FRMD4A: variants seen among roughly 807,000 people sequenced by gnomAD.
FRMD4A encodes FERM domain-containing protein 4A.
FRMD4A carries 29 observed loss-of-function variants against 129.1 expected under a neutral mutation model. That is an observed-to-expected ratio of 0.22 (90% CI 0.17 to 0.31). The LOEUF is 0.31. Among genes scored for constraint, FRMD4A ranks in the 10% least tolerant of loss-of-function variants. The pLI, the probability that FRMD4A is intolerant of heterozygous loss-of-function variation, is 1.00. For synonymous variants in FRMD4A, 634 were observed against 571.6 expected (o/e 1.11, Z -1.56); for missense variants, 1,272 against 1,375.8 (o/e 0.92, Z 1.19).
intron 2 of FRMD4A, among the ~76,000 whole-genome samples, chr10:14,054,314 G>A (rs1022722348): frequency 1.3e-5 from 2 of 152,126 alleles, no homozygotes; most frequent in African/African-American, 4.8e-5. Context: ...TGACCCTGGA[G>A]AGGTCACCTC....
At chr10:14,049,350 T>A (rs1834148699) in intron 2 of FRMD4A, among the ~76,000 whole-genome samples, 1 of 151,208 alleles carries the variant, frequency 6.6e-6, no homozygotes, top group Admixed American at 6.6e-5. Context: ...CTAGGTGGGG[T>A]TTTCCAAACA....
intron 2 of FRMD4A, among the ~76,000 whole-genome samples, chr10:13,939,243 G>A (rs1439349382): frequency 6.6e-6 from 1 of 152,216 alleles, no homozygotes; most frequent in African/African-American, 2.4e-5. Flanking sequence ...CCATCCTGGA[G>A]AGCGTTTAAG....
At chr10:14,318,671 T>C (rs1233235415) in intron 2 of FRMD4A, among the ~76,000 whole-genome samples, 1 of 151,344 alleles carries the variant, frequency 6.6e-6, no homozygotes, top group Non-Finnish European at 1.5e-5. Flanking sequence ...TCAATCAATA[T>C]TTATACAATG....
chr10:14,289,110 T>G (rs981194071), intron 2 of FRMD4A, among the ~76,000 whole-genome samples: 3 of 152,226 alleles, frequency 2.0e-5, no homozygotes, highest in Non-Finnish European at 4.4e-5. Flanking sequence ...ATATCTTGAT[T>G]TCAATTATTT....
intron 2 of FRMD4A, among the ~76,000 whole-genome samples, chr10:14,119,495 G>A (rs1838381635): frequency 6.6e-6 from 1 of 152,208 alleles, no homozygotes; most frequent in African/African-American, 2.4e-5. Flanking sequence ...TGATGGTGAT[G>A]TTTGCCGTAA....
intron 2 of FRMD4A, among the ~76,000 whole-genome samples, chr10:13,970,706 C>G (rs1047797405): frequency 1.3e-5 from 2 of 152,172 alleles, no homozygotes; most frequent in African/African-American, 4.8e-5. Flanking sequence ...TGCCTGCGCC[C>G]CCCACTCCCC....
At chr10:13,760,743 T>G (rs1164889709) in intron 8 of FRMD4A, among the ~76,000 whole-genome samples, 1 of 152,194 alleles carries the variant, frequency 6.6e-6, no homozygotes, top group Non-Finnish European at 1.5e-5. Context: ...GTGTTTCTTT[T>G]TAATACCAAT....
chr10:13,909,394 C>T (rs952910655), intron 2 of FRMD4A, among the ~76,000 whole-genome samples: 3 of 152,162 alleles, frequency 2.0e-5, no homozygotes, highest in Admixed American at 6.5e-5. Context: ...TTTCCGTTCC[C>T]ATCAGTAACG....
intron 3 of FRMD4A, among the ~76,000 whole-genome samples, chr10:13,818,807 G>C (rs1177880322): frequency 6.6e-6 from 1 of 152,112 alleles, no homozygotes; most frequent in Non-Finnish European, 1.5e-5. Flanking sequence ...CATTATTTCA[G>C]ATCCTAATCA....
chr10:14,176,513 T>C (rs1841733952), intron 2 of FRMD4A, among the ~76,000 whole-genome samples: 1 of 145,830 alleles, frequency 6.9e-6, no homozygotes, highest in Non-Finnish European at 1.5e-5. Flanking sequence ...CTCCCTCTGT[T>C]GGCCAGGCTG....
At chr10:14,237,814 G>T (rs1843882730) in intron 2 of FRMD4A, among the ~76,000 whole-genome samples, 1 of 152,192 alleles carries the variant, frequency 6.6e-6, no homozygotes, top group Non-Finnish European at 1.5e-5. Context: ...TATTTATTCT[G>T]GGTCTACGGA....
intron 3 of FRMD4A, among the ~76,000 whole-genome samples, chr10:13,855,547 T>C (rs2094201473): frequency 1.3e-5 from 2 of 152,298 alleles, no homozygotes; most frequent in South Asian, 4.2e-4. Flanking sequence ...TAGGTGTCTT[T>C]CCCACCCATC....
At chr10:14,078,674 C>T (rs1671032066) in intron 2 of FRMD4A, among the ~76,000 whole-genome samples, 2 of 152,088 alleles carry the variant, frequency 1.3e-5, no homozygotes. Flanking sequence ...GGGGTATGAC[C>T]ATTATAGGAT....
intron 2 of FRMD4A, among the ~76,000 whole-genome samples, chr10:14,173,111 T>G (rs1315609839): frequency 6.6e-6 from 1 of 152,234 alleles, no homozygotes; most frequent in Non-Finnish European, 1.5e-5. Flanking sequence ...AATCAAAGCT[T>G]TGTCCTATTG....
chr10:13,767,510 A>C (rs899321187), intron 6 of FRMD4A, among the ~76,000 whole-genome samples: 2 of 152,126 alleles, frequency 1.3e-5, no homozygotes, highest in African/African-American at 4.8e-5. Flanking sequence ...AAGTGCTGGG[A>C]TTACAGGCAT....
chr10:13,988,319 T>A (rs4750446), intron 2 of FRMD4A, among the ~76,000 whole-genome samples: 2 of 151,934 alleles, frequency 1.3e-5, no homozygotes, highest in South Asian at 2.1e-4. Flanking sequence ...CTCTTCGACC[T>A]TGGTAGGATG....
At chr10:13,927,909 T>C (rs1365190410) in intron 2 of FRMD4A, among the ~76,000 whole-genome samples, 1 of 152,220 alleles carries the variant, frequency 6.6e-6, no homozygotes, top group Non-Finnish European at 1.5e-5. Flanking sequence ...GAGTCCATTT[T>C]CAGAATTCAA....
At chr10:13,660,273 A>C in intron 20 of FRMD4A, 43 bp downstream of exon 20, 2 of 1,241,832 alleles carry the variant, frequency 1.6e-6, no homozygotes, top group Admixed American at 3.4e-5. Context: ...CTTCCAGAGC[A>C]TAGAGGGAGG....
intron 2 of FRMD4A, among the ~76,000 whole-genome samples, chr10:13,904,277 T>G (rs1299474040): frequency 6.6e-6 from 1 of 152,210 alleles, no homozygotes; most frequent in East Asian, 1.9e-4. Flanking sequence ...GCCCCTGTGC[T>G]TCTTGCCTTC....
Sources: gnomAD v4.1 joint callset for allele counts (sites outside exome capture counted in the v4.1 genomes callset) on GRCh38, gnomAD v4.1.1 for gene constraint, MANE v1.5 for transcripts, NCBI Gene and HGNC (gene_info 2026-07-23, HGNC 2026-07-21) for gene names.